The following RGS22 variants were observed in gnomAD, a reference collection of about 807,000 sequenced individuals.
RGS22 encodes regulator of G-protein signaling 22.
A neutral mutation model predicts 172.9 loss-of-function variants in RGS22; 148 were observed. That is an observed-to-expected ratio of 0.86 (90% confidence interval 0.75 to 0.98). RGS22 has a LOEUF of 0.98. Among genes scored for constraint, RGS22 ranks in the 50% least tolerant of loss-of-function variants. RGS22 has a pLI of 0.00. For synonymous variants in RGS22, 458 were observed against 480.2 expected, an observed-to-expected ratio of 0.95 and a Z score of 0.60; for missense variants, 1,347 against 1,440.8, an observed-to-expected ratio of 0.93 and a Z score of 1.05.
intron 4 of RGS22, among the ~76,000 whole-genome samples, chr8:100,075,045 C>T (rs1190550561): frequency 6.6e-6 from 1 of 152,164 alleles, no homozygotes; most frequent in African/African-American, 2.4e-5. Flanking sequence ...GCTGGGATTA[C>T]AGGTGTGAGC....
At chr8:100,017,611 T>G (rs3133681) in intron 14 of RGS22, among the ~76,000 whole-genome samples, 5 of 152,270 alleles carry the variant, frequency 3.3e-5, no homozygotes, top group Non-Finnish European at 5.9e-5. Context: ...TATATATATA[T>G]AGCAAATACA....
Position 100,071,472 on chromosome 8 carries a change from T to C in RGS22, c.491A>G (p.Asn164Ser), listed in dbSNP as rs1378250304. 1 of 1,612,918 alleles carries C rather than the reference T, an allele frequency of 6.2e-7. No individual in the cohort carries two copies. Among genetic ancestry groups the C allele is most frequent in the African/African-American group, 1.3e-5 (1 of 74,878 alleles). The change falls in exon 6 of 28, where the codon AAT (asparagine) becomes AGT (serine). Residue 164 changes from asparagine (N) to serine (S), a missense_variant. Transcript: ENST00000360863. ...TTTTTTCACGATCCAGGGAGAAAAATTTGATCCTACTGTGAAATTCATGCC... is the reference window on the plus strand; with the variant it reads ...TTTTTTCACGATCCAGGGAGAAAAACTTGATCCTACTGTGAAATTCATGCC... The part of the protein sequence containing the change: ...KSGMNFTVGS[N>S]FSPWIVKKPP...
rs897978124 is a variant in RGS22 at position 99,960,952 on chromosome 8, C to A, written c.*290G>T. ...AGCAAAACATTTTGGTTCTTCAAAC[C>A]TAGATAGTAGTTGTTTTATTCTAAA... is the stretch of plus-strand genomic sequence containing the variant. On this transcript the variant is annotated 3_prime_UTR_variant, in exon 28 of 28. Coordinates refer to ENST00000360863, the MANE Select transcript of RGS22 (RefSeq NM_015668.5). 26 of 210,442 alleles carry A rather than the reference C, an allele frequency of 1.2e-4. No homozygotes were observed. Among genetic ancestry groups the A allele is most frequent in the African/African-American group, 4.5e-4 (19 of 42,448 alleles). 13.0% of individuals were successfully genotyped at this position (210,442 alleles called of 1,614,324 possible).
At position 100,004,079 on chromosome 8, in the gene RGS22, C is replaced by A. The variant is rs1221418331; in HGVS notation, c.2474G>T (p.Gly825Val). ...GTTAGAGAGTGATAAAATGCCAGTT[C>A]CAATTTCACAAGTGGTGTCCTAGTG... ...KKAEDTTCEI[G>V]TGILSLSNVS... Residue 825 changes from glycine to valine, a missense_variant, in exon 17 of 28, where the codon GGA becomes GTA. By Grantham distance (109) the Gly-to-Val change is moderately radical. Coordinates refer to ENST00000360863, the MANE Select transcript of RGS22 (RefSeq NM_015668.5). 8.8e-6 allele frequency: 14 copies of A among 1,599,168 alleles called. No homozygotes were observed. Among genetic ancestry groups the A allele is most frequent in the Non-Finnish European group, 9.4e-6 (11 of 1,172,150 alleles).
chr8:100,020,009 T>C (rs541825226), intron 14 of RGS22, among the ~76,000 whole-genome samples: 8 of 151,878 alleles, frequency 5.3e-5, no homozygotes. Context: ...CTCAGCCTCC[T>C]GAGTAGCTGG....
At chr8:100,105,326 T>G (rs1471294) in intron 2 of RGS22, 48 bp downstream of exon 2, 540,026 of 1,471,516 alleles carry the variant, frequency 0.37, 104,112 homozygotes, top group Admixed American at 0.51. Flanking sequence ...ATATTTGCTA[T>G]TTTTTTAAAG....
intron 14 of RGS22, among the ~76,000 whole-genome samples, chr8:100,034,806 A>G (rs889380078): frequency 6.6e-6 from 1 of 152,196 alleles, no homozygotes; most frequent in Non-Finnish European, 1.5e-5. Flanking sequence ...AACACCACAT[A>G]TCTAGAACCA....
intron 3 of RGS22, among the ~76,000 whole-genome samples, chr8:100,084,053 G>A (rs1232820424): frequency 6.6e-6 from 1 of 151,782 alleles, no homozygotes; most frequent in Non-Finnish European, 1.5e-5. Context: ...TGGCCAGGAT[G>A]TTCTTGATCT....
chr8:100,047,497 G>T lies in RGS22; in HGVS notation c.1789C>A (p.Pro597Thr). 6.2e-7 allele frequency: 1 copy of T among 1,606,820 alleles called. No individual in the cohort carries two copies. The highest frequency in any genetic ancestry group is 1.7e-4 in the Middle Eastern group (1 of 6,042). The stretch of plus-strand genomic sequence containing the variant: ...ATCACATCATCCTTAGAAGAACCTG[G>T]ATACAAAAGCTCCCGCTTCCAAGGC... ...QKPWKRELLY[P>T]GSSKDDVIEK... The change falls in exon 11 of 28, where the codon CCA becomes ACA. Residue 597 changes from proline to threonine, a missense_variant. By Grantham distance (38) the Pro-to-Thr change is conservative (BLOSUM62 -1). Transcript: ENST00000360863.
intron 23 of RGS22, among the ~76,000 whole-genome samples, chr8:99,972,108 C>A (rs893035821): frequency 6.6e-6 from 1 of 152,102 alleles, no homozygotes. Flanking sequence ...CATCTACAAC[C>A]ATCTGATCTT....
chr8:99,986,911 T>C (rs549119001), intron 21 of RGS22, among the ~76,000 whole-genome samples: 10 of 152,132 alleles, frequency 6.6e-5, no homozygotes, highest in Non-Finnish European at 2.9e-5. Flanking sequence ...ATTTAAGAGA[T>C]AATTGATGTG....
intron 14 of RGS22, 65 bp from the exon 15 acceptor site, chr8:100,008,634 C>T: frequency 8.2e-7 from 1 of 1,224,694 alleles, no homozygotes; most frequent in Non-Finnish European, 1.1e-6. Flanking sequence ...GCAGACACCT[C>T]AACATAGGCA....
At chr8:100,094,289 T>C (rs1310486440) in intron 2 of RGS22, among the ~76,000 whole-genome samples, 1 of 152,234 alleles carries the variant, frequency 6.6e-6, no homozygotes, top group African/African-American at 2.4e-5. Context: ...TATTTTGTTA[T>C]TCATAATTAT....
intron 14 of RGS22, among the ~76,000 whole-genome samples, chr8:100,036,773 A>G (rs1318564351): frequency 1.3e-5 from 2 of 151,768 alleles, no homozygotes; most frequent in Non-Finnish European, 2.9e-5. Context: ...TAATTTTTAA[A>G]TTTTTTATAA....
At chr8:100,078,134 T>C (rs1375575932) in intron 4 of RGS22, among the ~76,000 whole-genome samples, 3 of 152,180 alleles carry the variant, frequency 2.0e-5, no homozygotes, top group Non-Finnish European at 2.9e-5. Flanking sequence ...TAGTTTCTTG[T>C]AGACAGCAAA....
intron 18 of RGS22, among the ~76,000 whole-genome samples, chr8:100,001,817 T>G (rs185702964): frequency 7.8e-4 from 119 of 152,326 alleles, no homozygotes; most frequent in African/African-American, 2.7e-3. Context: ...AGCTTAATGG[T>G]TGATAACAGC....
At chr8:100,067,411 CAT>C (rs1439132961) in intron 6 of RGS22, among the ~76,000 whole-genome samples, 1 of 152,072 alleles carries the variant, frequency 6.6e-6, no homozygotes, top group Non-Finnish European at 1.5e-5. Context: ...ATTCATCTAA[CAT>C]ATAATTATCG....
intron 23 of RGS22, among the ~76,000 whole-genome samples, chr8:99,975,784 G>A (rs1461851234): frequency 1.3e-5 from 2 of 152,140 alleles, no homozygotes; most frequent in Non-Finnish European, 2.9e-5. Context: ...CTGGGCTCAA[G>A]CAGTCCTCCT....
chr8:100,026,061 A>C (rs1435365721), intron 14 of RGS22, among the ~76,000 whole-genome samples: 1 of 151,722 alleles, frequency 6.6e-6, no homozygotes, highest in Non-Finnish European at 1.5e-5. Flanking sequence ...AAATAGCAAT[A>C]ACATGTTTAG....
Sources: gnomAD v4.1 joint callset for allele counts (sites outside exome capture counted in the v4.1 genomes callset) on GRCh38, gnomAD v4.1.1 for gene constraint, MANE v1.5 for transcripts, NCBI Gene and HGNC (gene_info 2026-07-23, HGNC 2026-07-21) for gene names.